Variants in ASIC2 observed in about 807,000 individuals in gnomAD.
ASIC2 encodes the protein acid-sensing ion channel 2.
Under a neutral mutation model 57.3 loss-of-function variants are expected in ASIC2, and 25 were observed. The observed-to-expected ratio is 0.44, with a 90% CI of 0.32 to 0.61. The LOEUF (loss-of-function observed/expected upper bound fraction) is 0.61, where lower values mean the gene tolerates loss of function less well. Ranked by LOEUF, ASIC2 falls within the 20% of genes least tolerant of loss-of-function variation. The probability of loss-of-function intolerance (pLI) is 0.06; values close to 1 mark genes in which losing one functional copy is unlikely to be tolerated. For missense variants in ASIC2, 641 were observed against 738.1 expected (o/e 0.87, Z 1.52); for synonymous variants, 319 against 307.5 (o/e 1.04, Z -0.39).
rs944978572 is a variant in ASIC2, at chr17:33,164,026, G to T, written c.709-51959C>A. 2.0e-5 allele frequency among the ~76,000 whole-genome samples: 3 copies of T among 152,322 alleles called. No individual in the cohort carries two copies. The South Asian group carries it at 6.2e-4, about 32-fold the overall frequency. ...GGCGGGAAAATGAGAGCTCTGAGAG[G>T]CTGAGCATCTTGCTCAATGTCCCAC... On this transcript the variant is annotated intron_variant, in intron 1 of 9. Transcript: ENST00000225823.
chr17:33,302,907 G>A (rs1020313308), intron 1 of ASIC2, among the ~76,000 whole-genome samples: 9 of 152,218 alleles, frequency 5.9e-5, no homozygotes, highest in Admixed American at 1.3e-4. Flanking sequence ...CTGTTTTACA[G>A]ATGAGGACAC....
intron 1 of ASIC2, among the ~76,000 whole-genome samples, chr17:33,847,373 T>C (rs1051165337): frequency 6.6e-6 from 1 of 152,038 alleles, no homozygotes; most frequent in African/African-American, 2.4e-5. Context: ...GAGTCAATCC[T>C]GGGGAACAGG....
chr17:33,962,359 A>G (rs1383155611), intron 1 of ASIC2, among the ~76,000 whole-genome samples: 1 of 152,178 alleles, frequency 6.6e-6, no homozygotes, highest in Non-Finnish European at 1.5e-5. Flanking sequence ...GAAAGAGTAT[A>G]GTGCCTGGTA....
intron 1 of ASIC2, among the ~76,000 whole-genome samples, chr17:33,321,215 C>A (rs998558449): frequency 2.0e-5 from 3 of 152,138 alleles, no homozygotes; most frequent in South Asian, 2.1e-4. Flanking sequence ...TGAATAAATA[C>A]GTGTGCCATT....
At chr17:33,521,022 G>T (rs1199278017) in intron 1 of ASIC2, among the ~76,000 whole-genome samples, 3 of 152,088 alleles carry the variant, frequency 2.0e-5, no homozygotes, top group Non-Finnish European at 4.4e-5. Context: ...ATGGCAGCCA[G>T]GAGTCTGAAT....
In ASIC2 at chr17:34,087,242, C is replaced by CA. The variant is rs1485310573; in HGVS notation, c.555+68735dup. ...TCTTTTAGGGCAGTCCTGGTGGTGA[C>CA]AAAATCTCTCAGCATTTGCTTGTCT... On this transcript the variant is annotated intron_variant, in intron 1 of 9. Coordinates refer to the ASIC2 transcript ENST00000359872. Among the ~76,000 whole-genome samples the CA allele has an allele frequency of 1.7e-3, 264 of 152,064 alleles. 1 individual carries two copies. Among genetic ancestry groups the CA allele is most frequent in the African/African-American group, 6.2e-3 (258 of 41,478 alleles).
chr17:33,765,400 G>A (rs187454229), intron 1 of ASIC2, among the ~76,000 whole-genome samples: 1 of 152,110 alleles, frequency 6.6e-6, no homozygotes, highest in Non-Finnish European at 1.5e-5. Flanking sequence ...GAGCCACCGC[G>A]CCCGGCGATG....
chr17:33,404,731 C>T (rs1456829301), intron 1 of ASIC2, among the ~76,000 whole-genome samples: 1 of 152,180 alleles, frequency 6.6e-6, no homozygotes, highest in Non-Finnish European at 1.5e-5. Context: ...CTTCTTTAGC[C>T]TAGATACACA....
At chr17:33,021,467 T>C (rs1348782569) in intron 6 of ASIC2, among the ~76,000 whole-genome samples, 157 bp from the exon 7 acceptor site, 2 of 152,216 alleles carry the variant, frequency 1.3e-5, no homozygotes, top group African/African-American at 2.4e-5. Flanking sequence ...GAGCTGCGGC[T>C]TCAAGCCAAG....
chr17:34,117,149 C>T (rs551463660), intron 1 of ASIC2, among the ~76,000 whole-genome samples: 1 of 152,160 alleles, frequency 6.6e-6, no homozygotes, highest in Non-Finnish European at 1.5e-5. Flanking sequence ...CAGGATTTTT[C>T]ATTCATTTAA....
intron 1 of ASIC2, among the ~76,000 whole-genome samples, chr17:34,029,928 C>T (rs1404607868): frequency 2.0e-5 from 3 of 152,162 alleles, no homozygotes; most frequent in Non-Finnish European, 1.5e-5. Context: ...CAAGACACAA[C>T]AGCAAAGGCC....
At chr17:34,087,499 C>A (rs1372594583) in intron 1 of ASIC2, among the ~76,000 whole-genome samples, 2 of 152,178 alleles carry the variant, frequency 1.3e-5, no homozygotes, top group African/African-American at 2.4e-5. Flanking sequence ...AACTTTGGTT[C>A]ATCTGACAAT....
chr17:34,153,918 C>A (rs190346764), intron 1 of ASIC2, among the ~76,000 whole-genome samples: 12 of 152,310 alleles, frequency 7.9e-5, no homozygotes, highest in Admixed American at 2.6e-4. Flanking sequence ...AAGGCCTGAT[C>A]TTAAAGACCT....
At chr17:33,632,651 T>A (rs1293370378) in intron 1 of ASIC2, among the ~76,000 whole-genome samples, 1 of 152,080 alleles carries the variant, frequency 6.6e-6, no homozygotes, top group Non-Finnish European at 1.5e-5. Flanking sequence ...CCCATGCTGA[T>A]CCCAAACTCC....
chr17:33,111,478 A>G (rs947572265), intron 2 of ASIC2, among the ~76,000 whole-genome samples: 3 of 152,142 alleles, frequency 2.0e-5, no homozygotes, highest in African/African-American at 7.2e-5. Context: ...TTGGTATTCC[A>G]ACACTTCCCA....
chr17:33,122,548 C>A (rs924545434), intron 1 of ASIC2, among the ~76,000 whole-genome samples: 1 of 152,020 alleles, frequency 6.6e-6, no homozygotes, highest in African/African-American at 2.4e-5. Context: ...TTAATTGACG[C>A]ATTTATGAGG....
At chr17:33,397,876 C>T (rs977611433) in intron 1 of ASIC2, among the ~76,000 whole-genome samples, 1 of 152,224 alleles carries the variant, frequency 6.6e-6, no homozygotes, top group Non-Finnish European at 1.5e-5. Flanking sequence ...TAATTAACTG[C>T]ATCATATTTT....
chr17:33,738,018 T>C (rs1407300515), intron 1 of ASIC2, among the ~76,000 whole-genome samples: 1 of 152,192 alleles, frequency 6.6e-6, no homozygotes, highest in African/African-American at 2.4e-5. Flanking sequence ...GCTGGTAAGA[T>C]TTAATAGCTC....
intron 3 of ASIC2, among the ~76,000 whole-genome samples, chr17:33,059,240 T>C (rs549630571): frequency 1.3e-5 from 2 of 152,312 alleles, no homozygotes; most frequent in East Asian, 1.9e-4. Context: ...ACATGTGCCA[T>C]GTTGGTGTGC....
Sources: allele counts gnomAD v4.1 joint callset (sites outside exome capture counted in the v4.1 genomes callset), GRCh38; gene constraint gnomAD v4.1.1; transcripts MANE v1.5; gene names NCBI Gene and HGNC (gene_info 2026-07-23, HGNC 2026-07-21).